Variants in SPATA1 observed in about 807,000 individuals in gnomAD.
The protein encoded by SPATA1 is spermatogenesis-associated protein 1.
In SPATA1, 57 loss-of-function variants were observed where a neutral mutation model predicts 59.6. That is an observed-to-expected ratio of 0.96 (90% CI 0.77 to 1.19). The LOEUF is 1.19. SPATA1 is among the 50% of genes most tolerant of loss of function. SPATA1 has a pLI of 0.00. For missense variants in SPATA1, 448 were observed against 480.7 expected (o/e 0.93, Z 0.64); for synonymous variants, 147 against 163.9 (o/e 0.90, Z 0.79).
Position 84,520,582 on chromosome 1 carries a change from C to T in SPATA1, c.37-3C>T. 6.7e-7 allele frequency: 1 copy of T among 1,488,524 alleles called. No homozygotes were observed. Among genetic ancestry groups the T allele is most frequent in the South Asian group, 1.3e-5 (1 of 76,442 alleles). The allele number at this position is 1,488,524 out of a possible 1,614,324, so 92.2% of individuals were successfully genotyped here. A position where few individuals can be genotyped will look rare whatever the true frequency, so the allele number is the denominator to read the frequency against. ...TAACCGATGTTCTTCTCAATTTATT[C>T]AGTTGGTGGAACTTCATGTTTTTTA... On this transcript the variant is annotated splice_polypyrimidine_tract_variant and splice_region_variant and intron_variant, in intron 2 of 12. Coordinates refer to ENST00000490879, the Ensembl canonical transcript of SPATA1.
chr1:84,551,160 GAACAGAA>G, intron 12 of SPATA1: 1 of 985,048 alleles, frequency 1.0e-6, no homozygotes, highest in Non-Finnish European at 1.2e-6. Flanking sequence ...CTTTTTTGTT[GAACAGAA>G]AACAGAAGAT....
exon 12 of SPATA1, chr1:84,550,438 C>G: frequency 6.6e-7 from 1 of 1,523,920 alleles, no homozygotes; most frequent in South Asian, 1.3e-5. Context: ...ACAGAATTAC[C>G]TAATAATCCA....
chr1:84,563,286 C>G lies in SPATA1; in HGVS notation n.443-2575C>G, dbSNP rs3768249. 1.9e-6 allele frequency: 3 copies of G among 1,576,578 alleles called. No homozygotes were observed. In the East Asian group the frequency reaches 7.1e-5, roughly 37 times the overall value. Reference sequence around the variant, plus strand: ...TAGTTATAATAAGGAGCCCGCTGATCTTTATCCCATAGGTTTCCAGAAATA... The same window carrying G: ...TAGTTATAATAAGGAGCCCGCTGATGTTTATCCCATAGGTTTCCAGAAATA... On this transcript the variant is annotated intron_variant and non_coding_transcript_variant, in intron 4 of 4. Transcript: ENST00000460286.
exon 4 of SPATA1, chr1:84,522,472 T>G (rs1309360421): frequency 1.9e-6 from 3 of 1,548,388 alleles, no homozygotes; most frequent in African/African-American, 1.4e-5. Flanking sequence ...AGAAAAATTT[T>G]TATTTCTGAA....
chr1:84,549,107 T>A, intron 11 of SPATA1, 143 bp downstream of exon 11: 1 of 769,194 alleles, frequency 1.3e-6, no homozygotes, highest in Non-Finnish European at 1.9e-6. Flanking sequence ...TGACCTTATG[T>A]AATAGGAGGA....
At chr1:84,519,079 T>G (rs1475713353) in intron 2 of SPATA1, among the ~76,000 whole-genome samples, 1 of 151,986 alleles carries the variant, frequency 6.6e-6, no homozygotes, top group Non-Finnish European at 1.5e-5. Flanking sequence ...ATGAAAAATT[T>G]AAGGGGCTAC....
At chr1:84,507,625 G>A (rs1682328442) in intron 1 of SPATA1, among the ~76,000 whole-genome samples, 1 of 152,138 alleles carries the variant, frequency 6.6e-6, no homozygotes, top group Non-Finnish European at 1.5e-5. Flanking sequence ...GTGCTTTGTT[G>A]ACTGTATAAT....
In SPATA1 at chr1:84,520,595, T is replaced by G. The variant is rs769521677; in HGVS notation, c.47T>G (p.Leu16Arg). 4 of 1,550,072 alleles carry G rather than the reference T, an allele frequency of 2.6e-6. No individual in the cohort carries two copies. The East Asian group carries it at 6.9e-5, about 27-fold the overall frequency. Residue 16 changes from leucine to arginine, a missense_variant, in exon 3 of 13, where the codon CTT (leucine) becomes CGT (arginine). Coordinates refer to ENST00000490879, the Ensembl canonical transcript of SPATA1. ...TCTCAATTTATTCAGTTGGTGGAAC[T>G]TCATGTTTTTTATGTCCCTGAAGGA... is the stretch of plus-strand genomic sequence containing the variant.
chr1:84,536,777 T>C (rs1350490980), intron 8 of SPATA1, among the ~76,000 whole-genome samples: 1 of 151,896 alleles, frequency 6.6e-6, no homozygotes, highest in Non-Finnish European at 1.5e-5. Flanking sequence ...TGGGGAAATA[T>C]ATTGGAAAGG....
At position 84,516,220 on chromosome 1, in the gene SPATA1, C is replaced by T; in HGVS notation, c.-137-3C>T. Reference sequence around the variant, plus strand: ...TTTCCTTTTTATTTCTTGAACAAATCAGAGACCAGAAATGAGTGGAATGCT... The same window carrying T: ...TTTCCTTTTTATTTCTTGAACAAATTAGAGACCAGAAATGAGTGGAATGCT... On this transcript the variant is annotated splice_region_variant and splice_polypyrimidine_tract_variant and intron_variant, in intron 1 of 12. Coordinates refer to ENST00000490879, the Ensembl canonical transcript of SPATA1. The T allele has an allele frequency of 1.6e-6, 1 of 627,846 alleles. No homozygotes were observed. Among genetic ancestry groups the T allele is most frequent in the Non-Finnish European group, 2.6e-6 (1 of 386,876 alleles). The allele number at this position is 627,846 out of a possible 1,614,324, so 38.9% of individuals were successfully genotyped here. A position where few individuals can be genotyped will look rare whatever the true frequency, so the allele number is the denominator to read the frequency against.
At chr1:84,549,298 G>A (rs924777833) in intron 11 of SPATA1, among the ~76,000 whole-genome samples, 20 of 152,198 alleles carry the variant, frequency 1.3e-4, no homozygotes, top group Admixed American at 5.2e-4. Flanking sequence ...CTGAATCATG[G>A]AATATATAAA....
At chr1:84,565,749 C>A in intron 4 of SPATA1, 112 bp from the exon 14 acceptor site, 1 of 669,780 alleles carries the variant, frequency 1.5e-6, no homozygotes, top group Non-Finnish European at 2.1e-6. Flanking sequence ...AAAACGTATA[C>A]ATATAACTTA....
intron 1 of SPATA1, among the ~76,000 whole-genome samples, chr1:84,508,291 AAAAAC>A (rs1245284474): frequency 7.2e-5 from 11 of 152,238 alleles, no homozygotes; most frequent in African/African-American, 2.4e-4. Flanking sequence ...TCAAAAAAAA[AAAAAC>A]AAAACCATTG....
At chr1:84,544,448 AAC>A (rs1684016087) in intron 9 of SPATA1, 144 bp downstream of exon 9, 1 of 635,680 alleles carries the variant, frequency 1.6e-6, no homozygotes, top group Non-Finnish European at 2.7e-6. Flanking sequence ...ATGGTTTCAC[AAC>A]AGTGTGAATG....
intron 8 of SPATA1, among the ~76,000 whole-genome samples, chr1:84,536,141 T>C (rs1683669431): frequency 6.6e-6 from 1 of 152,272 alleles, no homozygotes; most frequent in Admixed American, 6.5e-5. Flanking sequence ...TAATTCATGC[T>C]AGTAGAAACT....
intron 4 of SPATA1, among the ~76,000 whole-genome samples, chr1:84,562,359 T>G (rs1462202265): frequency 2.0e-5 from 3 of 151,950 alleles, no homozygotes; most frequent in African/African-American, 4.8e-5. Flanking sequence ...GTATATACTT[T>G]CAGTTCCAAA....
rs1349333463 is a variant in SPATA1, at chr1:84,525,733, C to A, written c.299C>A (p.Ser100Ter). ...CAAGAATCAGAACTGAAACTCAAAT[C>A]ATTTGCTCCTCCATATGTATGTAAT... Residue 100 changes from serine (S) to a stop codon, truncating the protein, a stop_gained, in exon 5 of 13, where the codon TCA becomes TAA. Coordinates refer to ENST00000490879, the Ensembl canonical transcript of SPATA1. LOFTEE classifies it high-confidence loss of function. The A allele has an allele frequency of 2.5e-6, 4 of 1,599,852 alleles. No individual in the cohort carries two copies. The highest frequency in any genetic ancestry group is 3.4e-6 in the Non-Finnish European group (4 of 1,176,568).
At chr1:84,529,160 A>G (rs1043354912) in intron 6 of SPATA1, among the ~76,000 whole-genome samples, 2 of 152,144 alleles carry the variant, frequency 1.3e-5, no homozygotes, top group Non-Finnish European at 2.9e-5. Flanking sequence ...TCAAAATTGG[A>G]TATCATATGT....
chr1:84,526,656 C>T (rs893561503), intron 6 of SPATA1, among the ~76,000 whole-genome samples: 4 of 151,650 alleles, frequency 2.6e-5, no homozygotes, highest in African/African-American at 9.7e-5. Flanking sequence ...CATTTGAGCC[C>T]AGGAGTTTGA....
Sources: gnomAD v4.1 joint callset for allele counts (sites outside exome capture counted in the v4.1 genomes callset) on GRCh38, gnomAD v4.1.1 for gene constraint, MANE v1.5 for transcripts, NCBI Gene and HGNC (gene_info 2026-07-23, HGNC 2026-07-21) for gene names.